The following CDKL1 variants were observed in gnomAD, a reference collection of about 807,000 sequenced individuals.
CDKL1 encodes cyclin-dependent kinase-like 1.
A neutral mutation model predicts 42.0 loss-of-function variants in CDKL1; 41 were observed. The observed-to-expected ratio is 0.98, with a 90% confidence interval of 0.76 to 1.27. The LOEUF is 1.27. Among genes scored for constraint, CDKL1 ranks in the 50% most tolerant of loss-of-function variants. The pLI, the probability that CDKL1 is intolerant of heterozygous loss-of-function variation, is 0.00. For synonymous variants in CDKL1, 153 were observed against 158.6 expected (o/e 0.96, Z 0.26); for missense variants, 394 against 428.4 (o/e 0.92, Z 0.71).
chr14:50,350,626 C>T (rs774559951), intron 3 of CDKL1, among the ~76,000 whole-genome samples: 2 of 152,322 alleles, frequency 1.3e-5, no homozygotes, highest in East Asian at 3.9e-4. Context: ...GCCTTTTGGA[C>T]TCCCAGCCAG....
intron 2 of CDKL1, among the ~76,000 whole-genome samples, chr14:50,368,157 G>A (rs546090505): frequency 3.3e-5 from 5 of 152,186 alleles, no homozygotes; most frequent in South Asian, 2.1e-4. Context: ...ACAGGGTTTC[G>A]CTACGTTGCC....
intron 2 of CDKL1, among the ~76,000 whole-genome samples, chr14:50,391,751 G>A (rs925732022): frequency 6.6e-6 from 1 of 151,968 alleles, no homozygotes; most frequent in Non-Finnish European, 1.5e-5. Context: ...CAAGGTCACG[G>A]GTCCAGCAAT....
chr14:50,337,955 G>A (rs2139385107), intron 7 of CDKL1, among the ~76,000 whole-genome samples: 1 of 152,216 alleles, frequency 6.6e-6, no homozygotes, highest in South Asian at 2.1e-4. Flanking sequence ...ACAGGCATGA[G>A]CACACCTGGC....
intron 6 of CDKL1, 51 bp downstream of exon 6, chr14:50,340,981 A>G: frequency 1.3e-6 from 2 of 1,593,282 alleles, no homozygotes; most frequent in South Asian, 1.1e-5. Flanking sequence ...CCCTGCCCCA[A>G]CCTGGGGAAA....
intron 2 of CDKL1, chr14:50,378,569 T>A: frequency 1.5e-6 from 1 of 669,420 alleles, no homozygotes; most frequent in Non-Finnish European, 2.2e-6. Context: ...GGTCATAATC[T>A]GTCATCCAGG....
At chr14:50,359,249 T>G in intron 2 of CDKL1, 100 bp from the exon 3 acceptor site, 8 of 1,354,246 alleles carry the variant, frequency 5.9e-6, no homozygotes, top group Non-Finnish European at 6.0e-6. Context: ...CTTTAAGAAT[T>G]TCATTCTTAG....
intron 2 of CDKL1, among the ~76,000 whole-genome samples, chr14:50,374,752 C>T (rs879762531): frequency 5.9e-5 from 9 of 152,194 alleles, no homozygotes; most frequent in Non-Finnish European, 8.8e-5. Context: ...TTACCTTGCT[C>T]TGTCAGCTGA....
At chr14:50,358,574 C>G (rs2034131030) in intron 3 of CDKL1, among the ~76,000 whole-genome samples, 1 of 146,326 alleles carries the variant, frequency 6.8e-6, no homozygotes. Context: ...TTTTTGTAAT[C>G]TTTCTGCTGT....
intron 4 of CDKL1, among the ~76,000 whole-genome samples, chr14:50,343,702 G>T (rs1260486029): frequency 6.6e-6 from 1 of 152,102 alleles, no homozygotes; most frequent in Non-Finnish European, 1.5e-5. Flanking sequence ...AGGGAACTGT[G>T]GTATGCATTA....
chr14:50,378,836 T>C (rs1294279238), intron 2 of CDKL1, among the ~76,000 whole-genome samples: 3 of 151,200 alleles, frequency 2.0e-5, no homozygotes, highest in African/African-American at 7.3e-5. Flanking sequence ...TGTGAGACAC[T>C]GTGCCTGTCA....
chr14:50,376,115 TAAAG>T (rs1239859322), intron 2 of CDKL1, among the ~76,000 whole-genome samples: 1 of 152,098 alleles, frequency 6.6e-6, no homozygotes, highest in African/African-American at 2.4e-5. Flanking sequence ...AACAAAAAAT[TAAAG>T]AAATGCAAAT....
rs139912277 is a variant in CDKL1, at chr14:50,332,442, C to T, written c.796-10G>A. The stretch of plus-strand genomic sequence containing the variant: ...CCATGTGGAGACAGCCCTAAAAGAA[C>T]AGAAAATTCCTTCTTCTTACTTCTT... On this transcript the variant is annotated splice_polypyrimidine_tract_variant and intron_variant, in intron 8 of 9. Transcript: ENST00000395834. 6.3e-7 allele frequency: 1 copy of T among 1,583,884 alleles called. No individual in the cohort carries two copies. The highest frequency in any genetic ancestry group is 2.2e-5 in the East Asian group (1 of 44,722).
intron 2 of CDKL1, among the ~76,000 whole-genome samples, chr14:50,375,945 C>T (rs543782919): frequency 2.0e-5 from 3 of 152,246 alleles, no homozygotes; most frequent in South Asian, 4.1e-4. Context: ...GTGACCAGTA[C>T]TCCTGAAAAC....
intron 2 of CDKL1, among the ~76,000 whole-genome samples, chr14:50,373,716 A>G (rs1239511408): frequency 6.6e-6 from 1 of 152,208 alleles, no homozygotes; most frequent in African/African-American, 2.4e-5. Flanking sequence ...TTACAACCAC[A>G]ATGAGATACC....
intron 5 of CDKL1, 111 bp from the exon 6 acceptor site, chr14:50,341,343 C>A (rs1047974186): frequency 1.4e-6 from 2 of 1,384,626 alleles, no homozygotes; most frequent in Non-Finnish European, 9.5e-7. Context: ...CTTTCTATAT[C>A]GCTGGTTCTC....
chr14:50,336,255 C>CA (rs1488379325), intron 7 of CDKL1: 1 of 1,271,308 alleles, frequency 7.9e-7, no homozygotes, highest in Non-Finnish European at 1.0e-6. Context: ...GCAGCCCCCG[C>CA]ACTGCCTCTT....
rs2032737378 is a variant in CDKL1 at position 50,327,154 on chromosome 14, C to T, written c.*2920G>A. 6.6e-6 allele frequency: 1 copy of T among 151,842 alleles called. No individual in the cohort carries two copies. The highest frequency in any genetic ancestry group is 2.1e-4 in the South Asian group (1 of 4,796). The allele number at this position is 151,842 out of a possible 1,614,324, so 9.4% of individuals were successfully genotyped here. The stretch of plus-strand genomic sequence containing the variant: ...ACGAGCCTGGGCAACATGGCAAAAC[C>T]CTGTCTCTACCAAAAAATTAAAAAA... On this transcript the variant is annotated 3_prime_UTR_variant, in exon 10 of 10. Coordinates refer to ENST00000395834, the MANE Select transcript of CDKL1 (RefSeq NM_004196.7).
intron 2 of CDKL1, among the ~76,000 whole-genome samples, chr14:50,389,275 A>G (rs541967721): frequency 3.9e-5 from 6 of 152,098 alleles, no homozygotes; most frequent in Non-Finnish European, 1.5e-5. Context: ...TTAAAATCAA[A>G]TGAGAGCCTA....
Position 50,326,531 on chromosome 14 carries a change from T to G in CDKL1, c.*3543A>C, listed in dbSNP as rs930248502. 4 of 985,328 alleles carry G rather than the reference T, an allele frequency of 4.1e-6. No homozygotes were observed. The African/African-American group carries it at 5.2e-5, about 13-fold the overall frequency. The allele number at this position is 985,328 out of a possible 1,614,324, so 61.0% of individuals were successfully genotyped here. A position where few individuals can be genotyped will look rare whatever the true frequency, so the allele number is the denominator to read the frequency against. On this transcript the variant is annotated 3_prime_UTR_variant, in exon 10 of 10. Transcript: ENST00000395834. ...ATTGCTTCAACAGGATTTGCGTGCA[T>G]TTCCCATGATCCTGCATTCTTGTGT...
Sources: gnomAD v4.1 joint callset for allele counts (sites outside exome capture counted in the v4.1 genomes callset) on GRCh38, gnomAD v4.1.1 for gene constraint, MANE v1.5 for transcripts, NCBI Gene and HGNC (gene_info 2026-07-23, HGNC 2026-07-21) for gene names.